CACNB2: variants seen among roughly 807,000 people sequenced by gnomAD.
CACNB2 encodes voltage-dependent L-type calcium channel subunit beta-2.
Under a neutral mutation model 73.3 loss-of-function variants are expected in CACNB2, and 42 were observed. The observed-to-expected ratio is 0.57, with a 90% CI of 0.45 to 0.74. The LOEUF is 0.74. Among genes scored for constraint, CACNB2 ranks in the 30% least tolerant of loss-of-function variants. The probability of loss-of-function intolerance (pLI) is 0.00; values close to 1 mark genes in which losing one functional copy is unlikely to be tolerated. For missense variants in CACNB2, 940 were observed against 853.0 expected (o/e 1.10, Z -1.27); for synonymous variants, 348 against 310.3 (o/e 1.12, Z -1.28).
At chr10:18,155,897 TTATA>T (rs11467545) in intron 2 of CACNB2, among the ~76,000 whole-genome samples, 10,487 of 139,236 alleles carry the variant, frequency 0.075, 800 homozygotes, top group East Asian at 0.19. Context: ...AGAGAACATA[TTATA>T]TATATATATA....
rs1176410191 is a variant in CACNB2, at chr10:18,540,825, T to A, written c.*1101T>A. On this transcript the variant is annotated 3_prime_UTR_variant, in exon 14 of 14. Transcript: ENST00000324631. ...AACTAGAGACTGATATCGAGCATTC[T>A]GCCCACCTCGCTCTGTATTTAATTA... 2 of 152,772 alleles carry A rather than the reference T, an allele frequency of 1.3e-5. No individual in the cohort carries two copies. Among genetic ancestry groups the A allele is most frequent in the South Asian group, 4.1e-4 (2 of 4,830 alleles). 9.5% of individuals were successfully genotyped at this position (152,772 alleles called of 1,614,324 possible). A position where few individuals can be genotyped will look rare whatever the true frequency, so the allele number is the denominator to read the frequency against.
At chr10:18,486,412 G>A (rs1163255278) in intron 3 of CACNB2, among the ~76,000 whole-genome samples, 3 of 152,188 alleles carry the variant, frequency 2.0e-5, no homozygotes, top group African/African-American at 7.2e-5. Flanking sequence ...AATAATTGGT[G>A]CTTAGCAGCC....
chr10:18,424,325 C>A (rs879117615), intron 3 of CACNB2, among the ~76,000 whole-genome samples: 1 of 152,080 alleles, frequency 6.6e-6, no homozygotes. Flanking sequence ...GGGAGTTTTG[C>A]AGTCGTATTC....
At chr10:18,536,300 C>T in intron 12 of CACNB2, 104 bp downstream of exon 12, 2 of 620,260 alleles carry the variant, frequency 3.2e-6, no homozygotes. Flanking sequence ...CTCTGTTGCC[C>T]ATGTTGGGAG....
intron 6 of CACNB2, among the ~76,000 whole-genome samples, chr10:18,509,505 T>C (rs2133091914): frequency 6.6e-6 from 1 of 152,198 alleles, no homozygotes; most frequent in Non-Finnish European, 1.5e-5. Context: ...AAAACTTAAA[T>C]TTCAAAAAAT....
At chr10:18,223,453 C>G (rs1197052638) in intron 2 of CACNB2, among the ~76,000 whole-genome samples, 1 of 152,130 alleles carries the variant, frequency 6.6e-6, no homozygotes, top group African/African-American at 2.4e-5. Context: ...ATACATTCCT[C>G]TTGTTCCATG....
intron 3 of CACNB2, among the ~76,000 whole-genome samples, chr10:18,429,877 G>T (rs563227891): frequency 2.2e-4 from 34 of 151,864 alleles, no homozygotes; most frequent in Admixed American, 1.3e-3. Context: ...TACTCAGGAG[G>T]CTGGGGTGGG....
chr10:18,405,633 A>G (rs1468553883), intron 3 of CACNB2, among the ~76,000 whole-genome samples: 1 of 152,104 alleles, frequency 6.6e-6, no homozygotes, highest in African/African-American at 2.4e-5. Context: ...TGAGTTGGGA[A>G]ATCTGGATGT....
intron 2 of CACNB2, among the ~76,000 whole-genome samples, chr10:18,325,585 TTC>T (rs1440953123): frequency 2.0e-5 from 3 of 151,806 alleles, no homozygotes; most frequent in Non-Finnish European, 4.4e-5. Flanking sequence ...TTCTTTTTCT[TTC>T]TCTCTTTCTC....
Position 18,539,891 on chromosome 10 carries a change from G to GAGAT in CACNB2, c.*169_*172dup. 2.6e-6 allele frequency: 2 copies of GAGAT among 760,834 alleles called. No homozygotes were observed. The highest frequency in any genetic ancestry group is 2.1e-6 in the Non-Finnish European group (1 of 486,916). 47.1% of individuals were successfully genotyped at this position (760,834 alleles called of 1,614,324 possible). A position where few individuals can be genotyped will look rare whatever the true frequency, so the allele number is the denominator to read the frequency against. ...ATAGCAATAGCATGGATAGAGTATT[G>GAGAT]AGATACTTTTTCTTTTGTAAGTGCT... On this transcript the variant is annotated 3_prime_UTR_variant, in exon 14 of 14. Transcript: ENST00000324631.
intron 9 of CACNB2, among the ~76,000 whole-genome samples, chr10:18,523,151 T>A (rs562931695): frequency 6.6e-6 from 1 of 152,176 alleles, no homozygotes; most frequent in Non-Finnish European, 1.5e-5. Flanking sequence ...TCTACTCTGC[T>A]CCATTTAGCT....
chr10:18,318,762 AAAAC>A (rs774294869), intron 2 of CACNB2, among the ~76,000 whole-genome samples: 6 of 152,172 alleles, frequency 3.9e-5, no homozygotes, highest in Non-Finnish European at 8.8e-5. Context: ...TTACAAGAAA[AAAAC>A]AACCCCATCA....
At chr10:18,416,743 T>C (rs1243633518) in intron 3 of CACNB2, among the ~76,000 whole-genome samples, 1 of 152,214 alleles carries the variant, frequency 6.6e-6, no homozygotes, top group Non-Finnish European at 1.5e-5. Flanking sequence ...GCAGGAACTA[T>C]AGCGTATGTT....
intron 2 of CACNB2, among the ~76,000 whole-genome samples, chr10:18,151,459 G>C (rs1362507404): frequency 6.6e-6 from 1 of 152,088 alleles, no homozygotes; most frequent in Non-Finnish European, 1.5e-5. Flanking sequence ...GTATCACTGA[G>C]ACATAATTTA....
At chr10:18,508,052 G>A (rs928044853) in intron 6 of CACNB2, among the ~76,000 whole-genome samples, 3 of 152,066 alleles carry the variant, frequency 2.0e-5, no homozygotes, top group Non-Finnish European at 4.4e-5. Flanking sequence ...TGGGATGACA[G>A]GCATGAGCCA....
chr10:18,494,648 A>T (rs2049674906), intron 3 of CACNB2, among the ~76,000 whole-genome samples: 1 of 151,186 alleles, frequency 6.6e-6, no homozygotes, highest in East Asian at 1.9e-4. Context: ...AAAAAAAAAA[A>T]AGAAAAGAAA....
intron 2 of CACNB2, among the ~76,000 whole-genome samples, chr10:18,231,643 C>T (rs11013099): frequency 0.04 from 6,015 of 152,208 alleles, 415 homozygotes; most frequent in African/African-American, 0.14. Context: ...CTTGACAGTA[C>T]GGTAAGTGAT....
intron 2 of CACNB2, among the ~76,000 whole-genome samples, chr10:18,238,786 A>G (rs2036542376): frequency 6.6e-6 from 1 of 152,244 alleles, no homozygotes; most frequent in Non-Finnish European, 1.5e-5. Context: ...GAAAATTACT[A>G]CAGGAAGATG....
At chr10:18,287,548 AG>A (rs1326088024) in intron 2 of CACNB2, among the ~76,000 whole-genome samples, 17 of 151,126 alleles carry the variant, frequency 1.1e-4, no homozygotes, top group African/African-American at 3.9e-4. Flanking sequence ...ACAGCTCTGA[AG>A]CCTGGAAATT....
Sources: allele counts gnomAD v4.1 joint callset (sites outside exome capture counted in the v4.1 genomes callset), GRCh38; gene constraint gnomAD v4.1.1; transcripts MANE v1.5; gene names NCBI Gene and HGNC (gene_info 2026-07-23, HGNC 2026-07-21).